Variants in TMEM74 observed in about 807,000 individuals in gnomAD.
TMEM74 encodes the protein transmembrane protein 74.
In TMEM74, 13 loss-of-function variants were observed where a neutral mutation model predicts 18.1. The observed-to-expected ratio is 0.72, with a 90% CI of 0.47 to 1.14. The LOEUF (loss-of-function observed/expected upper bound fraction) is 1.14. Ranked by LOEUF, TMEM74 falls within the 50% of genes most tolerant of loss-of-function variation. The pLI, the probability that TMEM74 is intolerant of heterozygous loss-of-function variation, is 0.00. For synonymous variants in TMEM74, 159 were observed against 146.6 expected, an observed-to-expected ratio of 1.08 and a Z score of -0.61; for missense variants, 372 against 375.9, an observed-to-expected ratio of 0.99 and a Z score of 0.09.
chr8:108,644,399 A>G (rs937383070), intron 2 of TMEM74, among the ~76,000 whole-genome samples: 1 of 152,134 alleles, frequency 6.6e-6, no homozygotes, highest in Non-Finnish European at 1.5e-5. Context: ...ACTTCAAACT[A>G]TAAATTCTTA....
intron 2 of TMEM74, among the ~76,000 whole-genome samples, chr8:108,653,679 TATC>T (rs1426210063): frequency 1.5e-4 from 23 of 152,198 alleles, no homozygotes; most frequent in African/African-American, 4.1e-4. Context: ...ATTAAATAAT[TATC>T]ATTATATAAG....
At chr8:108,692,140 C>T (rs75369123) in intron 1 of TMEM74, among the ~76,000 whole-genome samples, 2,743 of 152,192 alleles carry the variant, frequency 0.018, 98 homozygotes, top group African/African-American at 0.063. Context: ...AAGCAGAAAC[C>T]GATTTTTGTG....
chr8:108,632,982 C>T (rs1410824970), intron 2 of TMEM74, among the ~76,000 whole-genome samples: 1 of 151,910 alleles, frequency 6.6e-6, no homozygotes, highest in Non-Finnish European at 1.5e-5. Flanking sequence ...GTTAATGATT[C>T]CGTACTGGGA....
At chr8:108,701,515 T>C (rs897604699) in intron 1 of TMEM74, among the ~76,000 whole-genome samples, 1 of 152,210 alleles carries the variant, frequency 6.6e-6, no homozygotes, top group African/African-American at 2.4e-5. Context: ...CAAAAGAAAC[T>C]TCCTGGAACT....
At chr8:108,652,618 G>A in intron 2 of TMEM74, 1 of 628,082 alleles carries the variant, frequency 1.6e-6, no homozygotes, top group Non-Finnish European at 3.0e-6. Flanking sequence ...GATAGTTGCA[G>A]TAAAGAAGGC....
chr8:108,786,735 T>G (rs1814390365), intron 1 of TMEM74, among the ~76,000 whole-genome samples: 1 of 152,168 alleles, frequency 6.6e-6, no homozygotes, highest in South Asian at 2.1e-4. Context: ...TAACTCTTCT[T>G]CCAGTTTTCT....
chr8:108,637,527 C>T (rs1453632190), intron 2 of TMEM74, among the ~76,000 whole-genome samples: 1 of 151,912 alleles, frequency 6.6e-6, no homozygotes, highest in African/African-American at 2.4e-5. Flanking sequence ...AGGTCAGAAT[C>T]AAAGGAAATG....
intron 1 of TMEM74, among the ~76,000 whole-genome samples, chr8:108,690,917 T>C (rs1349250055): frequency 6.6e-6 from 1 of 152,178 alleles, no homozygotes; most frequent in Non-Finnish European, 1.5e-5. Context: ...GAAGACTTCT[T>C]TTTGCAAGGA....
intron 1 of TMEM74, among the ~76,000 whole-genome samples, chr8:108,723,219 G>A (rs939154179): frequency 1.3e-5 from 2 of 152,166 alleles, no homozygotes; most frequent in African/African-American, 4.8e-5. Context: ...GATTTAAATT[G>A]CACAGATTCA....
intron 2 of TMEM74, among the ~76,000 whole-genome samples, chr8:108,635,592 G>T (rs538882052): frequency 6.6e-6 from 1 of 151,820 alleles, no homozygotes; most frequent in Non-Finnish European, 1.5e-5. Flanking sequence ...CATTCACCTC[G>T]CCAACACTGG....
chr8:108,773,554 A>G (rs1023390602), intron 1 of TMEM74, among the ~76,000 whole-genome samples: 7 of 152,128 alleles, frequency 4.6e-5, no homozygotes, highest in Non-Finnish European at 8.8e-5. Flanking sequence ...GGCTGGAGTT[A>G]GTGACTATTT....
At chr8:108,715,450 C>A (rs1170856987) in intron 1 of TMEM74, among the ~76,000 whole-genome samples, 1 of 151,896 alleles carries the variant, frequency 6.6e-6, no homozygotes, top group Non-Finnish European at 1.5e-5. Flanking sequence ...AATGAGTTGC[C>A]TTTAAACAGT....
At chr8:108,664,604 C>T (rs184740633) in intron 1 of TMEM74, among the ~76,000 whole-genome samples, 18 of 152,150 alleles carry the variant, frequency 1.2e-4, no homozygotes, top group Admixed American at 1.2e-3. Context: ...AACTTTATCT[C>T]TTTCTAATTG....
chr8:108,621,424 G>A (rs936783103), intron 2 of TMEM74, among the ~76,000 whole-genome samples: 3 of 152,158 alleles, frequency 2.0e-5, no homozygotes, highest in Non-Finnish European at 4.4e-5. Flanking sequence ...CCTTCTTCCA[G>A]GTCCCCCTCC....
At chr8:108,670,035 G>GAA (rs1192889404) in intron 1 of TMEM74, among the ~76,000 whole-genome samples, 30 of 60,670 alleles carry the variant, frequency 4.9e-4, no homozygotes, top group Middle Eastern at 0.01. Flanking sequence ...AAGATTCTGT[G>GAA]AAAAAAAAAA....
intron 1 of TMEM74, among the ~76,000 whole-genome samples, chr8:108,750,954 T>C (rs1271062461): frequency 6.6e-6 from 1 of 152,136 alleles, no homozygotes. Flanking sequence ...CTCTCAAACT[T>C]GCTTTCATCT....
In TMEM74 at chr8:108,661,378, C is replaced by CTTTTTTT. The variant is rs760545466; in HGVS notation, n.120-5948_120-5942dup. ...TATCTTTTTCCTCTCCCTTGCAGCT[C>CTTTTTTT]TTTTTTTTTTTTTTTTTTTTTTTCT... On this transcript the variant is annotated intron_variant and non_coding_transcript_variant, in intron 1 of 3. Coordinates refer to the TMEM74 transcript ENST00000518838. Among the ~76,000 whole-genome samples, 79 of 86,714 alleles carry CTTTTTTT rather than the reference C, an allele frequency of 9.1e-4. 2 individuals are homozygous for CTTTTTTT. The highest frequency in any genetic ancestry group is 2.5e-3 in the African/African-American group (59 of 23,206). 56.9% of individuals were successfully genotyped at this position (86,714 alleles called of 152,430 possible). A position where few individuals can be genotyped will look rare whatever the true frequency, so the allele number is the denominator to read the frequency against.
intron 1 of TMEM74, among the ~76,000 whole-genome samples, chr8:108,683,405 AT>A (rs746550762): frequency 1.3e-5 from 2 of 151,886 alleles, no homozygotes; most frequent in Admixed American, 6.6e-5. Context: ...TAAAATTAGC[AT>A]TTTTTTCAGA....
intron 2 of TMEM74, among the ~76,000 whole-genome samples, chr8:108,628,675 A>G (rs1389633137): frequency 6.6e-6 from 1 of 152,066 alleles, no homozygotes; most frequent in Non-Finnish European, 1.5e-5. Context: ...GTCAAATGGT[A>G]TTTCTGGTTC....
Sources: gnomAD v4.1 joint callset for allele counts (sites outside exome capture counted in the v4.1 genomes callset) on GRCh38, gnomAD v4.1.1 for gene constraint, MANE v1.5 for transcripts, NCBI Gene and HGNC (gene_info 2026-07-23, HGNC 2026-07-21) for gene names.